The following PACS1 variants were observed in gnomAD, a reference collection of about 807,000 sequenced individuals.
PACS1 encodes the protein PACS-1.
A neutral mutation model predicts 115.0 loss-of-function variants in PACS1; 24 were observed. The observed-to-expected ratio is 0.21, with a 90% CI of 0.15 to 0.29. PACS1 has a LOEUF of 0.29. Ranked by LOEUF, PACS1 falls within the 10% of genes least tolerant of loss-of-function variation. The pLI, the probability that PACS1 is intolerant of heterozygous loss-of-function variation, is 1.00. For missense variants in PACS1, 838 were observed against 1,251.2 expected (o/e 0.67, Z 4.98); for synonymous variants, 453 against 504.5 (o/e 0.90, Z 1.37).
intron 2 of PACS1, among the ~76,000 whole-genome samples, chr11:66,195,956 A>C (rs1854640677): frequency 6.6e-6 from 1 of 152,190 alleles, no homozygotes; most frequent in Admixed American, 6.5e-5. Context: ...CAGCATGTTG[A>C]CTTTTGCACT....
intron 1 of PACS1, among the ~76,000 whole-genome samples, chr11:66,139,340 G>C (rs1475620097): frequency 6.6e-6 from 1 of 152,086 alleles, no homozygotes; most frequent in Non-Finnish European, 1.5e-5. Context: ...AGACAATCCA[G>C]TTATACTTTT....
chr11:66,220,295 A>C (rs75530794), intron 8 of PACS1: 134 of 321,000 alleles, frequency 4.2e-4, no homozygotes, highest in African/African-American at 2.6e-3. Flanking sequence ...GATAAAGATG[A>C]AAATTGTTGA....
At chr11:66,137,026 C>A (rs938530735) in intron 1 of PACS1, among the ~76,000 whole-genome samples, 1 of 147,258 alleles carries the variant, frequency 6.8e-6, no homozygotes, top group Non-Finnish European at 1.5e-5. Flanking sequence ...CAAATTGCCC[C>A]CCCCCCCACC....
chr11:66,161,878 T>C lies in PACS1; in HGVS notation c.357-31608T>C, dbSNP rs1462385296. Among the ~76,000 whole-genome samples, 40 of 152,048 alleles carry C rather than the reference T, an allele frequency of 2.6e-4. 2 individuals are homozygous for C. Among genetic ancestry groups the C allele is most frequent in the Admixed American group, 2.6e-3 (40 of 15,276 alleles). ...AAATAATAGCTTTTCCACAGTCAGG[T>C]TGGATTCCAGGAGGAATGTGATGAT... On this transcript the variant is annotated intron_variant, in intron 1 of 23. Transcript: ENST00000320580.
At chr11:66,119,896 A>G (rs544258965) in intron 1 of PACS1, among the ~76,000 whole-genome samples, 42 of 152,108 alleles carry the variant, frequency 2.8e-4, no homozygotes, top group Non-Finnish European at 5.6e-4. Flanking sequence ...GATCATCTCT[A>G]GGCACCGTTC....
chr11:66,214,620 C>CT (rs578031707), intron 4 of PACS1, among the ~76,000 whole-genome samples: 108,371 of 115,304 alleles, frequency 0.94, 51,066 homozygotes, highest in Middle Eastern at 1. Flanking sequence ...TTTTTCTTTT[C>CT]TTTTTTTTTT....
chr11:66,242,578 G>C (rs902121531), intron 22 of PACS1, among the ~76,000 whole-genome samples: 3 of 152,216 alleles, frequency 2.0e-5, no homozygotes, highest in African/African-American at 7.2e-5. Flanking sequence ...TAGAGCATGC[G>C]CCTGATAGGG....
chr11:66,140,704 CT>C (rs1330264926), intron 1 of PACS1, among the ~76,000 whole-genome samples: 3 of 152,128 alleles, frequency 2.0e-5, no homozygotes, highest in Non-Finnish European at 4.4e-5. Context: ...AGTAAAAGTA[CT>C]TTATTAGTTT....
chr11:66,169,086 T>C (rs760256849), intron 1 of PACS1, among the ~76,000 whole-genome samples: 11 of 150,610 alleles, frequency 7.3e-5, no homozygotes, highest in Admixed American at 2.0e-4. Flanking sequence ...AGTATAACCT[T>C]GAATAAAAGT....
intron 1 of PACS1, among the ~76,000 whole-genome samples, chr11:66,097,518 C>A (rs1038389445): frequency 2.6e-5 from 4 of 152,210 alleles, no homozygotes; most frequent in Non-Finnish European, 5.9e-5. Flanking sequence ...CCACTCAGTT[C>A]TCAGATGAGA....
chr11:66,196,758 T>C (rs536648829), intron 2 of PACS1, among the ~76,000 whole-genome samples: 1 of 152,176 alleles, frequency 6.6e-6, no homozygotes, highest in East Asian at 1.9e-4. Context: ...CCACCATGCC[T>C]GGCTAATTTG....
chr11:66,152,913 A>G (rs1223428900), intron 1 of PACS1, among the ~76,000 whole-genome samples: 2 of 152,212 alleles, frequency 1.3e-5, no homozygotes, highest in Non-Finnish European at 2.9e-5. Flanking sequence ...ATTTTCAAAA[A>G]TGAGGGCTAA....
At chr11:66,184,928 G>A (rs1315426548) in intron 1 of PACS1, among the ~76,000 whole-genome samples, 1 of 152,170 alleles carries the variant, frequency 6.6e-6, no homozygotes, top group Non-Finnish European at 1.5e-5. Context: ...GGTGGCAATG[G>A]GAATGTTCTC....
In PACS1 at chr11:66,071,924, T is replaced by G. The variant is rs574901605; in HGVS notation, c.356+1082T>G. The stretch of plus-strand genomic sequence containing the variant: ...GATAGGAATGATGAGAGTACATCTT[T>G]CTGTTTCGCTCAGCTTAAGGAACAG... On this transcript the variant is annotated intron_variant, in intron 1 of 23. Coordinates refer to ENST00000320580, the MANE Select transcript of PACS1 (RefSeq NM_018026.4). 2.0e-5 allele frequency among the ~76,000 whole-genome samples: 3 copies of G among 152,324 alleles called. No individual in the cohort carries two copies. In the South Asian group the frequency reaches 6.2e-4, roughly 32 times the overall value.
rs1193961987 is a variant in PACS1 at position 66,236,055 on chromosome 11, A to C, written c.2250+115A>C. The C allele has an allele frequency of 5.8e-6, 6 of 1,026,268 alleles. No homozygotes were observed. 63.6% of individuals were successfully genotyped at this position (1,026,268 alleles called of 1,614,324 possible). ...AACAGTGGTTCTCCAGACACTGGAGATTTTGCCTCCAGGGACTACCTGGCA... is the reference window on the plus strand; with the variant it reads ...AACAGTGGTTCTCCAGACACTGGAGCTTTTGCCTCCAGGGACTACCTGGCA... On this transcript the variant is annotated intron_variant, in intron 19 of 23. Transcript: ENST00000320580. This position sits in a 1 kb window ranked among gnomAD's most constrained non-coding sequence, Gnocchi z 4.2.
chr11:66,123,871 G>A (rs1008773290), intron 1 of PACS1, among the ~76,000 whole-genome samples: 1 of 151,386 alleles, frequency 6.6e-6, no homozygotes, highest in Admixed American at 6.6e-5. Context: ...CAATGCTATT[G>A]CACAGTTGAT....
At chr11:66,186,230 C>G (rs1854368540) in intron 1 of PACS1, among the ~76,000 whole-genome samples, 1 of 151,640 alleles carries the variant, frequency 6.6e-6, no homozygotes, top group South Asian at 2.1e-4. Flanking sequence ...GAGCTTTGAT[C>G]ATGCCATTGC....
intron 1 of PACS1, among the ~76,000 whole-genome samples, chr11:66,114,207 A>G (rs1858253574): frequency 6.6e-6 from 1 of 152,066 alleles, no homozygotes; most frequent in Non-Finnish European, 1.5e-5. Flanking sequence ...TCACAAGGTC[A>G]AGAGATCGAG....
chr11:66,107,397 C>T (rs1246874744), intron 1 of PACS1, among the ~76,000 whole-genome samples: 1 of 152,272 alleles, frequency 6.6e-6, no homozygotes, highest in East Asian at 1.9e-4. Context: ...CTCCATAGCA[C>T]TTGTCAACTG....
Sources: gnomAD v4.1 joint callset for allele counts (sites outside exome capture counted in the v4.1 genomes callset) on GRCh38, gnomAD v4.1.1 for gene constraint, Gnocchi (gnomAD v3.1) non-coding constraint, MANE v1.5 for transcripts, NCBI Gene and HGNC (gene_info 2026-07-23, HGNC 2026-07-21) for gene names.